The following ACOXL variants were observed in gnomAD, a reference collection of about 807,000 sequenced individuals.
ACOXL encodes the protein acyl-CoA oxidase like.
A neutral mutation model predicts 71.9 loss-of-function variants in ACOXL; 70 were observed. The ratio of observed to expected loss-of-function variants is 0.97; its 90% CI spans 0.80 to 1.19. The LOEUF (loss-of-function observed/expected upper bound fraction) is 1.19. Among genes scored for constraint, ACOXL ranks in the 50% most tolerant of loss-of-function variants. The pLI is 0.00. For missense variants in ACOXL, 703 were observed against 736.3 expected (o/e 0.95, Z 0.52); for synonymous variants, 253 against 281.6 (o/e 0.90, Z 1.02).
intron 2 of ACOXL, among the ~76,000 whole-genome samples, chr2:110,777,954 G>A (rs1320573159): frequency 6.6e-6 from 1 of 152,228 alleles, no homozygotes; most frequent in Non-Finnish European, 1.5e-5. Context: ...AGACAAAGCT[G>A]GTCTTGGGCA....
intron 14 of ACOXL, among the ~76,000 whole-genome samples, chr2:111,027,451 A>G (rs557419914): frequency 6.6e-6 from 1 of 151,624 alleles, no homozygotes; most frequent in Admixed American, 6.6e-5. Context: ...CCTCCCGGGT[A>G]GCTGGGACTA....
At chr2:111,023,133 C>T (rs1417697292) in intron 14 of ACOXL, among the ~76,000 whole-genome samples, 3 of 152,148 alleles carry the variant, frequency 2.0e-5, no homozygotes, top group Admixed American at 6.5e-5. Context: ...ATCCAGGCTC[C>T]GAGACGTCCT....
At position 110,915,350 on chromosome 2, in the gene ACOXL, A is replaced by ATATATATG. The variant is rs1491355100; in HGVS notation, c.905+6446_905+6447insATATATGT. 3.3e-4 allele frequency among the ~76,000 whole-genome samples: 38 copies of ATATATATG among 113,630 alleles called. No individual in the cohort carries two copies. The South Asian group carries it at 0.01, about 30-fold the overall frequency. 74.5% of individuals were successfully genotyped at this position (113,630 alleles called of 152,430 possible). On this transcript the variant is annotated intron_variant, in intron 11 of 17. Coordinates refer to ENST00000439055, the MANE Select transcript of ACOXL (RefSeq NM_001142807.4). ...TTATATGCATTTTATATATATATATATGTGTGTGTGTGTGTGTGTGTGTGT... is the reference window on the plus strand; with the variant it reads ...TTATATGCATTTTATATATATATATATATATATGTGTGTGTGTGTGTGTGTGTGTGTGT...
At chr2:110,947,179 C>G (rs1302888868) in intron 12 of ACOXL, among the ~76,000 whole-genome samples, 2 of 152,216 alleles carry the variant, frequency 1.3e-5, no homozygotes, top group East Asian at 3.8e-4. Flanking sequence ...GGCAGTTTCG[C>G]TTCGTTTCCC....
chr2:111,083,418 A>G (rs1307015656), intron 16 of ACOXL, among the ~76,000 whole-genome samples: 1 of 152,182 alleles, frequency 6.6e-6, no homozygotes, highest in African/African-American at 2.4e-5. Context: ...CAGGGGGTAA[A>G]GTCCAGGAGA....
At chr2:110,807,906 A>G (rs1265555861) in intron 9 of ACOXL, among the ~76,000 whole-genome samples, 6 of 152,182 alleles carry the variant, frequency 3.9e-5, no homozygotes, top group Non-Finnish European at 7.3e-5. Flanking sequence ...AGCTCCCCAC[A>G]GTGACATTCA....
chr2:111,029,979 A>G (rs752974871), intron 14 of ACOXL, among the ~76,000 whole-genome samples: 15 of 152,096 alleles, frequency 9.9e-5, no homozygotes, highest in Non-Finnish European at 1.0e-4. Flanking sequence ...TTGCACAGCC[A>G]GTTAGTTTTC....
At chr2:110,902,958 G>T (rs984427297) in intron 10 of ACOXL, among the ~76,000 whole-genome samples, 1 of 152,212 alleles carries the variant, frequency 6.6e-6, no homozygotes, top group African/African-American at 2.4e-5. Context: ...GGTGGCCTGA[G>T]CCCAGGAAGG....
chr2:110,847,098 A>T (rs1691995844), intron 10 of ACOXL, among the ~76,000 whole-genome samples: 1 of 151,980 alleles, frequency 6.6e-6, no homozygotes, highest in African/African-American at 2.4e-5. Context: ...ACAGCTGGGT[A>T]ACCCCCAGAA....
intron 16 of ACOXL, among the ~76,000 whole-genome samples, chr2:111,054,502 A>G (rs1448164457): frequency 2.0e-5 from 3 of 152,218 alleles, no homozygotes; most frequent in Non-Finnish European, 4.4e-5. Flanking sequence ...GCAAGCCTGC[A>G]GAGACAGCTC....
At position 110,935,980 on chromosome 2, in the gene ACOXL, C is replaced by T. The variant is rs571593743; in HGVS notation, c.1059+2338C>T. Among the ~76,000 whole-genome samples the T allele has an allele frequency of 3.9e-5, 6 of 152,188 alleles. No homozygotes were observed. The South Asian group carries it at 6.2e-4, about 16-fold the overall frequency. On this transcript the variant is annotated intron_variant, in intron 12 of 17. Coordinates refer to ENST00000439055, the MANE Select transcript of ACOXL (RefSeq NM_001142807.4). ...CATGTGCAGTTCACAATAGAGTTCA[C>T]GCTCCTATGAGCATCTAATGGTGCT...
intron 10 of ACOXL, among the ~76,000 whole-genome samples, chr2:110,892,793 G>A (rs1698067734): frequency 6.6e-6 from 1 of 152,176 alleles, no homozygotes; most frequent in Admixed American, 6.5e-5. Context: ...AGAGGTTAAA[G>A]CAAGGACTTG....
At chr2:110,977,303 A>G (rs1206537936) in intron 12 of ACOXL, among the ~76,000 whole-genome samples, 1 of 151,732 alleles carries the variant, frequency 6.6e-6, no homozygotes, top group Non-Finnish European at 1.5e-5. Flanking sequence ...GGAGAATGGC[A>G]TGAACCCGGG....
intron 16 of ACOXL, among the ~76,000 whole-genome samples, chr2:111,060,470 C>T (rs554238694): frequency 3.9e-5 from 6 of 152,270 alleles, no homozygotes; most frequent in African/African-American, 1.4e-4. Flanking sequence ...GGAGCATCTC[C>T]CAACCTTGGT....
At chr2:111,073,673 G>T (rs1010913377) in intron 16 of ACOXL, among the ~76,000 whole-genome samples, 4 of 152,024 alleles carry the variant, frequency 2.6e-5, no homozygotes, top group Admixed American at 6.6e-5. Context: ...TTTATACTAA[G>T]CCTTAAAATC....
chr2:110,900,180 A>G (rs1295397030), intron 10 of ACOXL, among the ~76,000 whole-genome samples: 2 of 151,316 alleles, frequency 1.3e-5, no homozygotes, highest in African/African-American at 4.9e-5. Flanking sequence ...CCTCTCAGCA[A>G]TCTCATTATC....
At chr2:110,986,046 A>C (rs996359954) in intron 12 of ACOXL, among the ~76,000 whole-genome samples, 2 of 152,224 alleles carry the variant, frequency 1.3e-5, no homozygotes, top group African/African-American at 4.8e-5. Flanking sequence ...TTATATTGCT[A>C]TCAAGGTTAT....
intron 16 of ACOXL, among the ~76,000 whole-genome samples, chr2:111,092,570 A>T (rs1057476546): frequency 4.6e-5 from 7 of 152,212 alleles, no homozygotes. Context: ...TAGGTTACAT[A>T]TGAAATAAGG....
Position 110,944,808 on chromosome 2 carries a change from C to A in ACOXL, c.1059+11166C>A, listed in dbSNP as rs772129199. On this transcript the variant is annotated intron_variant, in intron 12 of 17. Transcript: ENST00000439055. ...TGTAAATAGTGCTGCCATGAACATA[C>A]GCGTGCATGTGTCTTTATGGTAGAA... 2.0e-5 allele frequency among the ~76,000 whole-genome samples: 3 copies of A among 152,112 alleles called. No individual in the cohort carries two copies. In the East Asian group the frequency reaches 5.8e-4, roughly 29 times the overall value.
Sources: gnomAD v4.1 joint callset for allele counts (sites outside exome capture counted in the v4.1 genomes callset) on GRCh38, gnomAD v4.1.1 for gene constraint, MANE v1.5 for transcripts, NCBI Gene and HGNC (gene_info 2026-07-23, HGNC 2026-07-21) for gene names.